The following GPC5 variants were observed in gnomAD, a reference collection of about 807,000 sequenced individuals.
GPC5 encodes the protein glypican-5.
In GPC5, 47 loss-of-function variants were observed where a neutral mutation model predicts 53.9. The observed-to-expected ratio is 0.87, with a 90% CI of 0.69 to 1.11. The LOEUF is 1.11. GPC5 is among the 50% of genes most tolerant of loss of function. The pLI is 0.00. For synonymous variants in GPC5, 286 were observed against 263.3 expected, an observed-to-expected ratio of 1.09 and a Z score of -0.84; for missense variants, 748 against 713.1, an observed-to-expected ratio of 1.05 and a Z score of -0.56.
At chr13:91,771,854 A>G (rs2037631417) in intron 5 of GPC5, among the ~76,000 whole-genome samples, 1 of 152,252 alleles carries the variant, frequency 6.6e-6, no homozygotes, top group Admixed American at 6.5e-5. Flanking sequence ...TGCATTTCAA[A>G]TAAAATACAA....
At chr13:92,367,782 A>G (rs2043617608) in intron 7 of GPC5, among the ~76,000 whole-genome samples, 1 of 152,192 alleles carries the variant, frequency 6.6e-6, no homozygotes, top group Non-Finnish European at 1.5e-5. Flanking sequence ...GAAAAACACA[A>G]TTTCCCTTGA....
At chr13:91,662,059 G>C (rs1472883427) in intron 2 of GPC5, among the ~76,000 whole-genome samples, 1 of 152,082 alleles carries the variant, frequency 6.6e-6, no homozygotes, top group Non-Finnish European at 1.5e-5. Flanking sequence ...GCTCACATAT[G>C]GTATTTAAAG....
chr13:92,457,536 A>G (rs992531909), intron 7 of GPC5, among the ~76,000 whole-genome samples: 5 of 152,122 alleles, frequency 3.3e-5, no homozygotes, highest in Non-Finnish European at 7.4e-5. Context: ...TTTACAAAAC[A>G]TCGAGATGGT....
chr13:91,761,561 CTCTTTGGGTTCAATGAA>C (rs1343723022), intron 5 of GPC5, among the ~76,000 whole-genome samples: 1 of 152,158 alleles, frequency 6.6e-6, no homozygotes, highest in Non-Finnish European at 1.5e-5. Context: ...CTACAACCCC[CTCTTTGGGTTCAATGAA>C]TCTGATGGAG....
intron 7 of GPC5, among the ~76,000 whole-genome samples, chr13:92,492,314 G>A (rs1879795013): frequency 6.6e-6 from 1 of 151,584 alleles, no homozygotes; most frequent in Admixed American, 6.6e-5. Flanking sequence ...TTGGACACAG[G>A]AAGGGGAACA....
In GPC5 at chr13:92,239,175, T is replaced by G. The variant is rs562763266; in HGVS notation, c.1561+94186T>G. Among the ~76,000 whole-genome samples, 211 of 151,864 alleles carry G rather than the reference T, an allele frequency of 1.4e-3. 1 individual carries two copies. Among genetic ancestry groups the G allele is most frequent in the African/African-American group, 4.7e-3 (196 of 41,484 alleles). ...CAACTTTTTTTTTTTTTCAAGATTC[T>G]ACTGGCTTATTTGATTTCCCTTGAA... On this transcript the variant is annotated intron_variant, in intron 7 of 7. Transcript: ENST00000377067.
At chr13:91,837,044 T>G (rs1433719979) in intron 5 of GPC5, among the ~76,000 whole-genome samples, 1 of 149,522 alleles carries the variant, frequency 6.7e-6, no homozygotes, top group Non-Finnish European at 1.5e-5. Context: ...ATTTAATATT[T>G]TAATATATAT....
chr13:91,789,414 A>G (rs1388662725), intron 5 of GPC5, among the ~76,000 whole-genome samples: 2 of 152,204 alleles, frequency 1.3e-5, no homozygotes, highest in African/African-American at 2.4e-5. Context: ...CTCTGATCTT[A>G]AATAGTATTT....
chr13:92,150,840 CT>C (rs144278490), intron 7 of GPC5, among the ~76,000 whole-genome samples: 3,475 of 150,826 alleles, frequency 0.023, 47 homozygotes, highest in Admixed American at 0.029. Flanking sequence ...AAGTTGTGGT[CT>C]TTTTTGAACA....
chr13:91,599,001 A>G (rs997617762), intron 2 of GPC5, among the ~76,000 whole-genome samples: 6 of 152,156 alleles, frequency 3.9e-5, no homozygotes, highest in Non-Finnish European at 5.9e-5. Flanking sequence ...TACAAGTGCC[A>G]AAGGTTATCT....
chr13:92,201,572 T>C (rs1043360017), intron 7 of GPC5, among the ~76,000 whole-genome samples: 5 of 151,682 alleles, frequency 3.3e-5, no homozygotes, highest in African/African-American at 1.2e-4. Context: ...ATGAACTCCA[T>C]TCCATTTTTT....
intron 7 of GPC5, among the ~76,000 whole-genome samples, chr13:92,616,348 T>A (rs748591245): frequency 8.5e-5 from 13 of 152,164 alleles, no homozygotes; most frequent in Admixed American, 7.2e-4. Context: ...TAATCTGAAG[T>A]GGCATCTTGA....
At chr13:92,789,896 A>C (rs548681457) in intron 7 of GPC5, among the ~76,000 whole-genome samples, 125 of 152,268 alleles carry the variant, frequency 8.2e-4, no homozygotes, top group African/African-American at 3.0e-3. Flanking sequence ...CCTCAAAAGT[A>C]GGGAAGCCAG....
chr13:92,346,634 A>C lies in GPC5; in HGVS notation c.1561+201645A>C, dbSNP rs560160600. ...CAAATTCACAGAAAACAATGCAAGC[A>C]CACAAGGATTATGAAGAATTAGGGA... On this transcript the variant is annotated intron_variant, in intron 7 of 7. Transcript: ENST00000377067. 1.3e-4 allele frequency among the ~76,000 whole-genome samples: 20 copies of C among 152,330 alleles called. No individual in the cohort carries two copies. In the South Asian group the frequency reaches 2.7e-3, roughly 21 times the overall value.
At chr13:92,476,038 G>T (rs1221943228) in intron 7 of GPC5, among the ~76,000 whole-genome samples, 1 of 151,794 alleles carries the variant, frequency 6.6e-6, no homozygotes, top group Non-Finnish European at 1.5e-5. Flanking sequence ...ACAAAATTGA[G>T]AAATGGGATC....
intron 5 of GPC5, among the ~76,000 whole-genome samples, chr13:91,846,421 C>A (rs1285447249): frequency 6.6e-6 from 1 of 151,740 alleles, no homozygotes; most frequent in East Asian, 1.9e-4. Context: ...ACTTTTTATT[C>A]TTTTATTGGT....
chr13:92,582,680 A>G (rs1216687493), intron 7 of GPC5, among the ~76,000 whole-genome samples: 2 of 151,934 alleles, frequency 1.3e-5, no homozygotes, highest in Non-Finnish European at 2.9e-5. Flanking sequence ...TCTTTCATCA[A>G]TGTTTTGTAC....
At chr13:91,464,882 C>T (rs1882143742) in intron 2 of GPC5, among the ~76,000 whole-genome samples, 1 of 152,086 alleles carries the variant, frequency 6.6e-6, no homozygotes, top group African/African-American at 2.4e-5. Context: ...ATGTCAGTTT[C>T]CTGGTTTTGA....
chr13:91,671,993 AAGGATGTCCTATTC>A (rs772748154), intron 2 of GPC5, among the ~76,000 whole-genome samples: 27 of 152,138 alleles, frequency 1.8e-4, no homozygotes, highest in Non-Finnish European at 1.3e-4. Flanking sequence ...GCAATGGGGA[AAGGATGTCCTATTC>A]AGTAAATGGT....
Sources: allele counts gnomAD v4.1 joint callset (sites outside exome capture counted in the v4.1 genomes callset), GRCh38; gene constraint gnomAD v4.1.1; transcripts MANE v1.5; gene names NCBI Gene and HGNC (gene_info 2026-07-23, HGNC 2026-07-21).